Variants in C1orf159 observed in about 807,000 individuals in gnomAD.
The protein encoded by C1orf159 is chromosome 1 open reading frame 159.
A neutral mutation model predicts 25.6 loss-of-function variants in C1orf159; 19 were observed. The ratio of observed to expected loss-of-function variants is 0.74; its 90% CI spans 0.52 to 1.09. The LOEUF is 1.09. C1orf159 is among the 50% of genes least tolerant of loss of function. The pLI is 0.00. For missense variants in C1orf159, 274 were observed against 290.6 expected (o/e 0.94, Z 0.42); for synonymous variants, 139 against 124.7 (o/e 1.12, Z -0.77).
rs1218038804 is a variant in C1orf159 at position 1,091,474 on chromosome 1, T to G, written c.70A>C (p.Thr24Pro). Residue 24 changes from threonine (T) to proline (P), a missense_variant and splice_region_variant, in exon 3 of 10, where the codon ACG becomes CCG. Thr to Pro is a conservative substitution (Grantham distance 38). Transcript: ENST00000421241. ...VGVASKSMEN[T>P]AQLPECCVDV... ...GGACACGTGAGGGGGGCACCTACCG[T>G]GTTCTCCATGGACTTGCTGGCGACT... The G allele has an allele frequency of 6.5e-7, 1 of 1,550,124 alleles. No homozygotes were observed. Among genetic ancestry groups the G allele is most frequent in the Admixed American group, 2.0e-5 (1 of 50,984 alleles).
chr1:1,093,740 G>C (rs2100754153), intron 1 of C1orf159, among the ~76,000 whole-genome samples: 1 of 152,378 alleles, frequency 6.6e-6, no homozygotes, highest in South Asian at 2.1e-4. Flanking sequence ...CTGGTGACTG[G>C]ATGGAGCTGC....
At chr1:1,094,163 T>A (rs1645979117) in intron 1 of C1orf159, among the ~76,000 whole-genome samples, 1 of 151,476 alleles carries the variant, frequency 6.6e-6, no homozygotes, top group Admixed American at 6.6e-5. Flanking sequence ...AGTAGTGGGA[T>A]CGTGGCTCAC....
At chr1:1,097,253 C>T (rs1211987230) in intron 1 of C1orf159, among the ~76,000 whole-genome samples, 1 of 151,952 alleles carries the variant, frequency 6.6e-6, no homozygotes, top group African/African-American at 2.4e-5. Flanking sequence ...ATTACAGGCA[C>T]CCACCACCAT....
chr1:1,097,702 C>T lies in C1orf159; in HGVS notation c.-135-5599G>A, dbSNP rs116071722. ...CCTCCCAAAGTGCTGGGATTACAGG[C>T]GTGAACCACCCACCTCACCTGGCTC... On this transcript the variant is annotated intron_variant, in intron 1 of 9. Transcript: ENST00000421241. Among the ~76,000 whole-genome samples the T allele has an allele frequency of 1.4e-3, 209 of 150,854 alleles. 1 individual carries two copies. Among genetic ancestry groups the T allele is most frequent in the Non-Finnish European group, 2.4e-3 (164 of 67,818 alleles).
At position 1,082,146 on chromosome 1, in the gene C1orf159, G is replaced by C. The variant is rs575416788; in HGVS notation, c.*747C>G. 1.1e-4 allele frequency: 17 copies of C among 152,820 alleles called. No individual in the cohort carries two copies. Among genetic ancestry groups the C allele is most frequent in the African/African-American group, 4.1e-4 (17 of 41,600 alleles). 9.5% of individuals were successfully genotyped at this position (152,820 alleles called of 1,614,324 possible). A position where few individuals can be genotyped will look rare whatever the true frequency, so the allele number is the denominator to read the frequency against. ...TGCAGTGAGGCAGTGACTTGTGGGGGTTAGATGTGGGCCTGCCCCACGTGG... is the reference window on the plus strand; with the variant it reads ...TGCAGTGAGGCAGTGACTTGTGGGGCTTAGATGTGGGCCTGCCCCACGTGG... On this transcript the variant is annotated 3_prime_UTR_variant, in exon 10 of 10. Transcript: ENST00000421241.
chr1:1,107,627 T>G (rs189095290), intron 1 of C1orf159, among the ~76,000 whole-genome samples: 104 of 152,166 alleles, frequency 6.8e-4, no homozygotes, highest in African/African-American at 2.1e-3. Context: ...ACCAATCAGC[T>G]CTCTATAAAA....
chr1:1,083,798 A>ACTT, intron 9 of C1orf159: 1 of 915,132 alleles, frequency 1.1e-6, no homozygotes, highest in Non-Finnish European at 1.7e-6. Flanking sequence ...CCCATGACAG[A>ACTT]CTTCTGCACA....
At position 1,089,578 on chromosome 1, in the gene C1orf159, C is replaced by G. The variant is rs1226826074; in HGVS notation, c.148+775G>C. 6.6e-6 allele frequency among the ~76,000 whole-genome samples: 1 copy of G among 152,178 alleles called. No individual in the cohort carries two copies. Among genetic ancestry groups the G allele is most frequent in the Non-Finnish European group, 1.5e-5 (1 of 68,020 alleles). On this transcript the variant is annotated intron_variant, in intron 4 of 9. Coordinates refer to ENST00000421241, the MANE Select transcript of C1orf159 (RefSeq NM_017891.5). This position sits in a 1 kb window ranked among gnomAD's most constrained non-coding sequence, Gnocchi z 7.5. ...CGCCCAGCCTCACTGGCTGCCACAG[C>G]CGCCGTCTTGACCACGCCCTCCTCA...
At chr1:1,083,801 T>A in intron 9 of C1orf159, 1 of 1,004,584 alleles carries the variant, frequency 1.0e-6, no homozygotes, top group Non-Finnish European at 1.5e-6. Flanking sequence ...ATGACAGACT[T>A]CTGCACAGGG....
At chr1:1,097,349 C>T (rs1294272293) in intron 1 of C1orf159, among the ~76,000 whole-genome samples, 1 of 152,114 alleles carries the variant, frequency 6.6e-6, no homozygotes, top group East Asian at 1.9e-4. Flanking sequence ...AAGTGATCCG[C>T]CCACCTTGGC....
rs551927944 is a variant in C1orf159, at chr1:1,087,412, G to A, written c.244+90C>T. The A allele has an allele frequency of 2.5e-5, 33 of 1,319,820 alleles. No individual in the cohort carries two copies. The highest frequency in any genetic ancestry group is 9.1e-5 in the Admixed American group (4 of 44,140). The allele number at this position is 1,319,820 out of a possible 1,614,324, so 81.8% of individuals were successfully genotyped here. ...GTTCCCCAGTGGACAGTGGCTCTGGGGCAAGGTGGGGACACAGACAGCAAC... is the reference window on the plus strand; with the variant it reads ...GTTCCCCAGTGGACAGTGGCTCTGGAGCAAGGTGGGGACACAGACAGCAAC... On this transcript the variant is annotated intron_variant, in intron 5 of 9. Transcript: ENST00000421241. This position sits in a 1 kb window ranked among gnomAD's most constrained non-coding sequence, Gnocchi z 8.3.
chr1:1,091,670 G>A, intron 2 of C1orf159, 105 bp from the exon 3 acceptor site: 1 of 668,632 alleles, frequency 1.5e-6, no homozygotes, highest in Non-Finnish European at 2.5e-6. Context: ...GGGGGTGCGG[G>A]CCAAGGCAAG....
rs1645761857 is a variant in C1orf159, at chr1:1,082,658, T to A, written c.*235A>T. The A allele has an allele frequency of 3.6e-6, 2 of 553,180 alleles. No individual in the cohort carries two copies. The highest frequency in any genetic ancestry group is 6.3e-5 in the East Asian group (2 of 31,894). 34.3% of individuals were successfully genotyped at this position (553,180 alleles called of 1,614,324 possible). On this transcript the variant is annotated 3_prime_UTR_variant, in exon 10 of 10. Coordinates refer to ENST00000421241, the MANE Select transcript of C1orf159 (RefSeq NM_017891.5). Reference sequence around the variant, plus strand: ...AAGGCCTCGATCTGAAGCTCTGAGGTCTCATGGATGCCTGCTCCTGGTCCG... The same window carrying A: ...AAGGCCTCGATCTGAAGCTCTGAGGACTCATGGATGCCTGCTCCTGGTCCG...
At chr1:1,097,559 C>T (rs1474783300) in intron 1 of C1orf159, among the ~76,000 whole-genome samples, 2 of 151,286 alleles carry the variant, frequency 1.3e-5, no homozygotes. Context: ...ACTACAGGCT[C>T]GAGCCACCAC....
chr1:1,085,259 C>T lies in C1orf159; in HGVS notation c.445+619G>A, dbSNP rs549477764. On this transcript the variant is annotated intron_variant, in intron 7 of 9. Transcript: ENST00000421241. The stretch of plus-strand genomic sequence containing the variant: ...TCTGGCCAAGTGCTCACCTTGGGGT[C>T]CGAACTGCTGGCTGGACCATCTGCC... 292 of 436,542 alleles carry T rather than the reference C, an allele frequency of 6.7e-4. 1 individual carries two copies. Among genetic ancestry groups the T allele is most frequent in the Admixed American group, 1.1e-3 (45 of 40,890 alleles). 27.0% of individuals were successfully genotyped at this position (436,542 alleles called of 1,614,324 possible).
intron 7 of C1orf159, 149 bp from the exon 8 acceptor site, chr1:1,084,655 G>A (rs1416675111): frequency 1.0e-6 from 1 of 972,900 alleles, no homozygotes; most frequent in African/African-American, 1.7e-5. Flanking sequence ...CGGGGCTGCA[G>A]GGTCTCCCCC....
At chr1:1,111,105 T>C (rs1023944714) in intron 1 of C1orf159, among the ~76,000 whole-genome samples, 68 of 152,368 alleles carry the variant, frequency 4.5e-4, no homozygotes, top group African/African-American at 1.5e-3. Context: ...ATGCATTTTC[T>C]ATTTTGAAAA....
At chr1:1,091,201 A>C in intron 3 of C1orf159, 1 of 614,432 alleles carries the variant, frequency 1.6e-6, no homozygotes, top group Non-Finnish European at 2.9e-6. Flanking sequence ...CCGCTGGCAG[A>C]GGTGCTCCCA....
chr1:1,099,155 T>C (rs1646053644), intron 1 of C1orf159, among the ~76,000 whole-genome samples: 2 of 98,860 alleles, frequency 2.0e-5, no homozygotes, highest in African/African-American at 1.2e-4. Flanking sequence ...TTTTGGTCTA[T>C]TATTCTAAGA....
Sources: allele counts gnomAD v4.1 joint callset (sites outside exome capture counted in the v4.1 genomes callset), GRCh38; gene constraint gnomAD v4.1.1; non-coding constraint Gnocchi (gnomAD v3.1); transcripts MANE v1.5; gene names NCBI Gene and HGNC (gene_info 2026-07-23, HGNC 2026-07-21).